The following PMFBP1 variants were observed in gnomAD, a reference collection of about 807,000 sequenced individuals.
The protein encoded by PMFBP1 is polyamine-modulated factor 1-binding protein 1.
Under a neutral mutation model 137.8 loss-of-function variants are expected in PMFBP1, and 131 were observed. That is an observed-to-expected ratio of 0.95 (90% CI 0.82 to 1.10). The LOEUF (loss-of-function observed/expected upper bound fraction) is 1.10. PMFBP1 is among the 50% of genes least tolerant of loss of function. PMFBP1 has a pLI of 0.00. For synonymous variants in PMFBP1, 490 were observed against 450.4 expected, an observed-to-expected ratio of 1.09 and a Z score of -1.11; for missense variants, 1,199 against 1,175.4, an observed-to-expected ratio of 1.02 and a Z score of -0.29.
the PMFBP1 span, among the ~76,000 whole-genome samples, chr16:72,217,999 C>T: frequency 6.6e-6 from 1 of 152,170 alleles, no homozygotes; most frequent in East Asian, 1.9e-4. Flanking sequence ...AAGAAATGCA[C>T]AGTAGCTACT....
rs781635391 is a variant in PMFBP1 at position 72,140,511 on chromosome 16, C to G, written c.708G>C (p.Gln236His). Reference sequence around the variant, plus strand: ...CTTCAGACAGTCGTTTCTGAGTCTCCTGATGCTCTTGAATCATGCAAGGAG... The same window carrying G: ...CTTCAGACAGTCGTTTCTGAGTCTCGTGATGCTCTTGAATCATGCAAGGAG... ...YTSPCMIQEH[Q>H]ETQKRLSEVW... Residue 236 changes from glutamine (Q) to histidine (H), a missense_variant, in exon 6 of 21, where the codon CAG becomes CAC. Gln to His is a conservative substitution (Grantham distance 24, BLOSUM62 0). Transcript: ENST00000237353. 1 of 1,613,292 alleles carries G rather than the reference C, an allele frequency of 6.2e-7. No homozygotes were observed. The highest frequency in any genetic ancestry group is 8.5e-7 in the Non-Finnish European group (1 of 1,179,270).
chr16:72,145,827 C>G (rs867957570), intron 5 of PMFBP1, among the ~76,000 whole-genome samples: 6 of 152,162 alleles, frequency 3.9e-5, no homozygotes, highest in Non-Finnish European at 7.4e-5. Flanking sequence ...AAAACTAAAC[C>G]AGGAAGAAGT....
At chr16:72,248,638 T>G in the PMFBP1 span, among the ~76,000 whole-genome samples, 1 of 152,206 alleles carries the variant, frequency 6.6e-6, no homozygotes, top group African/African-American at 2.4e-5. Context: ...ATAATTCCAT[T>G]TCAGCATATC....
At chr16:72,217,081 C>T in the PMFBP1 span, among the ~76,000 whole-genome samples, 8 of 152,094 alleles carry the variant, frequency 5.3e-5, no homozygotes, top group African/African-American at 1.9e-4. Flanking sequence ...TTCTCTCTTT[C>T]TTGGACACAC....
Position 72,122,922 on chromosome 16 carries a change from G to T in PMFBP1, c.2760C>A (p.Gly920=). 6.2e-7 allele frequency: 1 copy of T among 1,612,892 alleles called. No homozygotes were observed. The highest frequency in any genetic ancestry group is 8.5e-7 in the Non-Finnish European group (1 of 1,179,746). The change falls in exon 19 of 21, where the codon GGC becomes GGA. Residue 920 remains glycine, a synonymous_variant. Coordinates refer to ENST00000237353, the MANE Select transcript of PMFBP1 (RefSeq NM_031293.3). ...GGTTTAAGATGACTTACTCCTTTTC[G>T]CCACTCAGCTTGGCAATGTATTTCA... The part of the protein sequence containing the change: ...EQVKYIAKLS[G]EKDHLHSVMV...
the PMFBP1 span, among the ~76,000 whole-genome samples, chr16:72,188,076 T>C: frequency 3.3e-5 from 5 of 152,374 alleles, no homozygotes; most frequent in African/African-American, 9.6e-5. Context: ...CCCAAGACTA[T>C]AGAATGCCGT....
chr16:72,134,115 C>A (rs756397260), intron 9 of PMFBP1, among the ~76,000 whole-genome samples: 6 of 152,068 alleles, frequency 3.9e-5, no homozygotes. Context: ...CCTGCTTGGC[C>A]CTCTTCCAAG....
At chr16:72,177,795 G>A (rs2043263736), upstream of PMFBP1, among the ~76,000 whole-genome samples, 1 of 152,110 alleles carries the variant, frequency 6.6e-6, no homozygotes, top group Non-Finnish European at 1.5e-5. Flanking sequence ...ACTAATCTAT[G>A]ATAATTCCTC....
chr16:72,218,213 C>T, the PMFBP1 span, among the ~76,000 whole-genome samples: 1 of 152,208 alleles, frequency 6.6e-6, no homozygotes, highest in Admixed American at 6.5e-5. Flanking sequence ...TAGTGGGAGA[C>T]ACTCAATAGA....
Position 72,123,662 on chromosome 16 carries a change from A to G in PMFBP1, c.2590-13T>C, listed in dbSNP as rs193040213. ...GCAGGCAGCAGGGCTTGGGTACAAG[A>G]AGAAAACGAGACAGTCAGAGGTGGG... On this transcript the variant is annotated splice_polypyrimidine_tract_variant and intron_variant, in intron 17 of 20. Coordinates refer to ENST00000237353, the MANE Select transcript of PMFBP1 (RefSeq NM_031293.3). 7.7e-4 allele frequency: 1,243 copies of G among 1,611,404 alleles called. 3 individuals carry two copies. The highest frequency in any genetic ancestry group is 6.1e-3 in the Middle Eastern group (37 of 6,054).
In PMFBP1 at chr16:72,121,237, A is replaced by G. The variant is rs1390872266; in HGVS notation, c.2769-1148T>C. 2.6e-5 allele frequency among the ~76,000 whole-genome samples: 4 copies of G among 152,176 alleles called. No homozygotes were observed. The East Asian group carries it at 7.7e-4, about 29-fold the overall frequency. On this transcript the variant is annotated intron_variant, in intron 19 of 20. Transcript: ENST00000237353. ...CATATGCTCTACCCTTTTGCTCTCT[A>G]CAAAGCTGGCCAACCTTGAGGTCGC... is the stretch of plus-strand genomic sequence containing the variant.
At chr16:72,219,552 C>CA in the PMFBP1 span, among the ~76,000 whole-genome samples, 1 of 133,328 alleles carries the variant, frequency 7.5e-6, no homozygotes, top group Non-Finnish European at 1.5e-5. Flanking sequence ...TCAATGTGGG[C>CA]GGGGGGGCCT....
chr16:72,243,679 T>C, the PMFBP1 span, among the ~76,000 whole-genome samples: 1 of 152,302 alleles, frequency 6.6e-6, no homozygotes, highest in Admixed American at 6.5e-5. Flanking sequence ...CCAGTCCAAG[T>C]GGCTCAGTCA....
intron 3 of PMFBP1, among the ~76,000 whole-genome samples, chr16:72,164,134 G>A (rs367592162): frequency 1.2e-3 from 182 of 152,262 alleles, no homozygotes; most frequent in Non-Finnish European, 1.4e-3. Flanking sequence ...GTCCATGGAG[G>A]AAGTCTGTGA....
At chr16:72,197,498 C>T in the PMFBP1 span, among the ~76,000 whole-genome samples, 1 of 152,192 alleles carries the variant, frequency 6.6e-6, no homozygotes. Flanking sequence ...GTACCCGGGG[C>T]TCCATGGGCA....
intron 18 of PMFBP1, 130 bp downstream of exon 18, chr16:72,123,416 G>T: frequency 2.7e-6 from 2 of 744,826 alleles, no homozygotes; most frequent in Non-Finnish European, 4.4e-6. Context: ...TCCATCCCTT[G>T]GGTGTGGGCT....
chr16:72,189,993 T>A, the PMFBP1 span, among the ~76,000 whole-genome samples: 3 of 152,020 alleles, frequency 2.0e-5, no homozygotes, highest in Non-Finnish European at 2.9e-5. Flanking sequence ...AGGCAGTCAG[T>A]CAGTTGTTAG....
At chr16:72,128,848 C>T (rs1597462088) in intron 13 of PMFBP1, 54 bp from the exon 14 acceptor site, 1 of 1,606,068 alleles carries the variant, frequency 6.2e-7, no homozygotes, top group East Asian at 2.2e-5. Context: ...TCTCAGATAA[C>T]TATAAAAGCC....
intron 16 of PMFBP1, 128 bp downstream of exon 16, chr16:72,125,110 G>A (rs1192943022): frequency 7.1e-7 from 1 of 1,411,806 alleles, no homozygotes; most frequent in East Asian, 2.3e-5. Context: ...TGAAGTTCAG[G>A]GAGCCAAGAA....
Sources: gnomAD v4.1 joint callset for allele counts (sites outside exome capture counted in the v4.1 genomes callset) on GRCh38, gnomAD v4.1.1 for gene constraint, MANE v1.5 for transcripts, NCBI Gene and HGNC (gene_info 2026-07-23, HGNC 2026-07-21) for gene names.